Variants in GDAP1 observed in about 807,000 individuals in gnomAD.
GDAP1 encodes ganglioside induced differentiation associated protein 1, also known as ganglioside-induced differentiation-associated protein 1.
GDAP1 carries 34 observed loss-of-function variants against 40.1 expected under a neutral mutation model. That is an observed-to-expected ratio of 0.85 (90% CI 0.64 to 1.13). The LOEUF (loss-of-function observed/expected upper bound fraction) is 1.13. Ranked by LOEUF, GDAP1 falls within the 50% of genes most tolerant of loss-of-function variation. GDAP1 has a pLI of 0.00. For synonymous variants in GDAP1, 170 were observed against 157.4 expected, an observed-to-expected ratio of 1.08 and a Z score of -0.60; for missense variants, 374 against 433.7, an observed-to-expected ratio of 0.86 and a Z score of 1.22.
chr8:74,393,599 C>T (rs1480756340), intron 2 of GDAP1, among the ~76,000 whole-genome samples: 1 of 152,134 alleles, frequency 6.6e-6, no homozygotes, highest in Non-Finnish European at 1.5e-5. Context: ...TAAAAAGAAA[C>T]TTCTGTGGAC....
chr8:74,372,525 A>G (rs1172984619), intron 2 of GDAP1, among the ~76,000 whole-genome samples: 2 of 152,186 alleles, frequency 1.3e-5, no homozygotes, highest in Admixed American at 6.5e-5. Context: ...GCCAGTGATG[A>G]TGAGCATTTT....
chr8:74,372,137 A>G (rs1329453149), intron 2 of GDAP1, among the ~76,000 whole-genome samples: 3 of 152,274 alleles, frequency 2.0e-5, no homozygotes, highest in Admixed American at 6.5e-5. Context: ...CATGATGTAT[A>G]TATGCCACAT....
At chr8:74,356,700 G>GTGTA (rs1809112211) in intron 2 of GDAP1, among the ~76,000 whole-genome samples, 1 of 66,434 alleles carries the variant, frequency 1.5e-5, no homozygotes, top group African/African-American at 5.8e-5. Context: ...GTTTGTGTGT[G>GTGTA]TGTATATATA....
chr8:74,428,634 T>TA (rs1491496349), intron 2 of GDAP1, among the ~76,000 whole-genome samples: 2 of 9,696 alleles, frequency 2.1e-4, no homozygotes, highest in Non-Finnish European at 4.6e-4. Context: ...ACCCGGCTAA[T>TA]TTTTTTTTTT....
intron 2 of GDAP1, among the ~76,000 whole-genome samples, chr8:74,378,420 G>A (rs1427602773): frequency 1.3e-5 from 2 of 152,172 alleles, no homozygotes; most frequent in East Asian, 3.9e-4. Context: ...ACACACAAGA[G>A]GTGGATTGAG....
chr8:74,394,502 C>T (rs1471781129), intron 2 of GDAP1, among the ~76,000 whole-genome samples: 1 of 152,158 alleles, frequency 6.6e-6, no homozygotes, highest in African/African-American at 2.4e-5. Flanking sequence ...GACACATATT[C>T]ACATCTCTGT....
intron 2 of GDAP1, among the ~76,000 whole-genome samples, chr8:74,462,752 T>G (rs1052541192): frequency 6.6e-6 from 1 of 152,116 alleles, no homozygotes; most frequent in Admixed American, 6.5e-5. Context: ...AAACAAAAAT[T>G]GGGAATGAGA....
At chr8:74,361,465 C>A (rs574281569) in intron 3 of GDAP1, among the ~76,000 whole-genome samples, 2 of 151,926 alleles carry the variant, frequency 1.3e-5, no homozygotes, top group East Asian at 3.9e-4. Context: ...GGCATCATCT[C>A]GGCTCACTGC....
At chr8:74,401,850 C>T (rs990996898) in intron 2 of GDAP1, among the ~76,000 whole-genome samples, 3 of 149,954 alleles carry the variant, frequency 2.0e-5, no homozygotes, top group South Asian at 2.1e-4. Flanking sequence ...GTATCAGCAG[C>T]GGTGTCTGCA....
At chr8:74,480,521 G>T (rs529428257) in intron 2 of GDAP1, among the ~76,000 whole-genome samples, 1 of 152,194 alleles carries the variant, frequency 6.6e-6, no homozygotes, top group African/African-American at 2.4e-5. Flanking sequence ...AGGAAATGAG[G>T]AACTGAAGAC....
intron 2 of GDAP1, among the ~76,000 whole-genome samples, chr8:74,355,530 AATTG>A (rs796553576): frequency 3.3e-5 from 5 of 152,328 alleles, no homozygotes; most frequent in African/African-American, 1.2e-4. Flanking sequence ...TACAGCAAGC[AATTG>A]ATTAAGCTAG....
chr8:74,350,425 G>T lies in GDAP1; in HGVS notation c.-37G>T, dbSNP rs559956949. ...AGTGTGGGAGGGAGAAGTCCAGGGC[G>T]GACAGGCTGGGCGCACCCGTGCTCG... On this transcript the variant is annotated 5_prime_UTR_variant, in exon 1 of 6. Coordinates refer to ENST00000220822, the MANE Select transcript of GDAP1 (RefSeq NM_018972.4). 8 of 1,300,670 alleles carry T rather than the reference G, an allele frequency of 6.2e-6. No individual in the cohort carries two copies. The highest frequency in any genetic ancestry group is 8.9e-6 in the Non-Finnish European group (8 of 898,890). 80.6% of individuals were successfully genotyped at this position (1,300,670 alleles called of 1,614,324 possible).
chr8:74,394,573 A>G (rs1810164927), intron 2 of GDAP1, among the ~76,000 whole-genome samples: 1 of 151,932 alleles, frequency 6.6e-6, no homozygotes, highest in Non-Finnish European at 1.5e-5. Flanking sequence ...TTTAATGGTC[A>G]CTTTTTAGCT....
At chr8:74,376,347 CTTT>C (rs374478811) in intron 2 of GDAP1, among the ~76,000 whole-genome samples, 6 of 126,986 alleles carry the variant, frequency 4.7e-5, no homozygotes, top group Admixed American at 8.5e-5. Flanking sequence ...TTAGAGGGAT[CTTT>C]TTTTTTTTTT....
chr8:74,376,451 C>G (rs1809853788), intron 2 of GDAP1, among the ~76,000 whole-genome samples: 1 of 151,510 alleles, frequency 6.6e-6, no homozygotes, highest in South Asian at 2.1e-4. Context: ...CGGGTTCACG[C>G]CATTCTCCTG....
intron 2 of GDAP1, among the ~76,000 whole-genome samples, chr8:74,353,120 A>T (rs983217767): frequency 1.3e-5 from 2 of 152,230 alleles, no homozygotes; most frequent in African/African-American, 4.8e-5. Flanking sequence ...ATAGTAACAA[A>T]GCAGAAATAA....
At chr8:74,402,273 C>T (rs1281229198) in intron 2 of GDAP1, among the ~76,000 whole-genome samples, 2 of 150,474 alleles carry the variant, frequency 1.3e-5, no homozygotes, top group Admixed American at 6.6e-5. Context: ...CGCCCCTCCC[C>T]CAGCCTCGCT....
Position 74,365,040 on chromosome 8 carries a change from G to T in GDAP1, c.*673G>T, listed in dbSNP as rs1809555928. ...CCTTACTGTTTTAGATGGTGCCTGT[G>T]AGATACCATTCCTCTGGATGGTCAT... is the stretch of plus-strand genomic sequence containing the variant. On this transcript the variant is annotated 3_prime_UTR_variant, in exon 6 of 6. Coordinates refer to ENST00000220822, the MANE Select transcript of GDAP1 (RefSeq NM_018972.4). The T allele has an allele frequency of 2.2e-6, 1 of 453,968 alleles. No individual in the cohort carries two copies. The highest frequency in any genetic ancestry group is 2.3e-5 in the Admixed American group (1 of 42,560). The allele number at this position is 453,968 out of a possible 1,614,324, so 28.1% of individuals were successfully genotyped here. A position where few individuals can be genotyped will look rare whatever the true frequency, so the allele number is the denominator to read the frequency against.
intron 2 of GDAP1, among the ~76,000 whole-genome samples, chr8:74,423,733 G>A (rs1386662668): frequency 6.6e-6 from 1 of 152,034 alleles, no homozygotes; most frequent in African/African-American, 2.4e-5. Flanking sequence ...AGTGATGAGA[G>A]CCGGATGGAC....
Sources: allele counts gnomAD v4.1 joint callset (sites outside exome capture counted in the v4.1 genomes callset), GRCh38; gene constraint gnomAD v4.1.1; transcripts MANE v1.5; gene names NCBI Gene and HGNC (gene_info 2026-07-23, HGNC 2026-07-21).